The following RAI1 variants were observed in gnomAD, a reference collection of about 807,000 sequenced individuals.
RAI1 encodes retinoic acid induced 1, also known as retinoic acid-induced protein 1.
RAI1 carries 9 observed loss-of-function variants against 123.8 expected under a neutral mutation model. The observed-to-expected ratio is 0.07, with a 90% CI of 0.04 to 0.13. The LOEUF (loss-of-function observed/expected upper bound fraction) is 0.13. Among genes scored for constraint, RAI1 ranks in the 10% least tolerant of loss-of-function variants. The pLI is 1.00. For missense variants in RAI1, 2,256 were observed against 2,545.8 expected (o/e 0.89, Z 2.45); for synonymous variants, 1,231 against 1,127.3 (o/e 1.09, Z -1.84).
chr17:17,712,781 A>G (rs541311435), intron 1 of RAI1, among the ~76,000 whole-genome samples: 1 of 152,340 alleles, frequency 6.6e-6, no homozygotes, highest in East Asian at 1.9e-4. Flanking sequence ...AGTAAACACG[A>G]TACTGATTCT....
chr17:17,716,925 C>T (rs895244285), intron 1 of RAI1, among the ~76,000 whole-genome samples: 6 of 152,178 alleles, frequency 3.9e-5, no homozygotes, highest in African/African-American at 1.2e-4. Flanking sequence ...AATGTGCCCA[C>T]GGGATGCCCA....
chr17:17,724,382 CAGA>C (rs1916002420), intron 2 of RAI1, among the ~76,000 whole-genome samples: 1 of 147,060 alleles, frequency 6.8e-6, no homozygotes, highest in South Asian at 2.1e-4. Context: ...GAATCGGTCT[CAGA>C]AGAAGGAATT....
intron 2 of RAI1, among the ~76,000 whole-genome samples, chr17:17,763,110 A>C (rs2030776343): frequency 6.6e-6 from 1 of 151,798 alleles, no homozygotes; most frequent in Non-Finnish European, 1.5e-5. Context: ...AAAACAGGTT[A>C]ATTGGCAACA....
chr17:17,783,595 T>G (rs1016061996), intron 2 of RAI1, among the ~76,000 whole-genome samples: 6 of 152,150 alleles, frequency 3.9e-5, no homozygotes, highest in African/African-American at 1.4e-4. Context: ...CGTCCCCCTC[T>G]GCCCCAGCCG....
In RAI1 at chr17:17,797,794, T is replaced by G. The variant is rs1279163938; in HGVS notation, c.4846T>G (p.Ser1616Ala). Reference protein sequence around the residue: ...AFTTICTVVNSPGDAPKPHRK... With the variant: ...AFTTICTVVNAPGDAPKPHRK... ...CACCACCATATGCACTGTTGTCAAC[T>G]CCCCTGGAGATGCGCCCAAGCCCCA... Residue 1616 changes from serine (S) to alanine (A), a missense_variant, in exon 3 of 6, where the codon TCC becomes GCC. By Grantham distance (99) the Ser-to-Ala change is moderately conservative. Around this residue, in one of 7 missense-constraint regions of RAI1, gnomAD observed 410 missense variants for 374.6 expected, o/e 1.09. Transcript: ENST00000353383. 6.2e-7 allele frequency: 1 copy of G among 1,614,018 alleles called. No homozygotes were observed. The highest frequency in any genetic ancestry group is 2.2e-5 in the East Asian group (1 of 44,856).
intron 1 of RAI1, among the ~76,000 whole-genome samples, chr17:17,692,036 A>AT (rs1197294479): frequency 5.9e-5 from 9 of 152,228 alleles, no homozygotes; most frequent in Admixed American, 3.9e-4. Context: ...AATAGCACTA[A>AT]AACAGACGTT....
At chr17:17,803,192 A>G (rs534508661) in intron 3 of RAI1, among the ~76,000 whole-genome samples, 1 of 151,784 alleles carries the variant, frequency 6.6e-6, no homozygotes, top group African/African-American at 2.4e-5. Flanking sequence ...CAGCCATGGT[A>G]GTAACTGGCA....
At chr17:17,803,916 G>C in intron 4 of RAI1, 67 bp downstream of exon 4, 1 of 1,466,656 alleles carries the variant, frequency 6.8e-7, no homozygotes, top group Non-Finnish European at 9.5e-7. Flanking sequence ...GACCCTCCCT[G>C]GGCACAGCTC....
chr17:17,702,189 C>T (rs1915245201), intron 1 of RAI1, among the ~76,000 whole-genome samples: 1 of 152,204 alleles, frequency 6.6e-6, no homozygotes, highest in Non-Finnish European at 1.5e-5. Context: ...TAAGGGACAA[C>T]CACAGAAAAA....
chr17:17,769,436 C>T (rs2142994704), intron 2 of RAI1, among the ~76,000 whole-genome samples: 1 of 152,284 alleles, frequency 6.6e-6, no homozygotes, highest in South Asian at 2.1e-4. Context: ...GGCACGGGGG[C>T]TCAAGAGGTC....
At chr17:17,741,116 C>A (rs541294203) in intron 2 of RAI1, among the ~76,000 whole-genome samples, 1 of 151,974 alleles carries the variant, frequency 6.6e-6, no homozygotes, top group Non-Finnish European at 1.5e-5. Flanking sequence ...CACACACTCG[C>A]GCACGCACAC....
intron 2 of RAI1, among the ~76,000 whole-genome samples, chr17:17,784,511 T>C (rs1055135664): frequency 2.6e-4 from 40 of 152,212 alleles, no homozygotes; most frequent in African/African-American, 9.2e-4. Context: ...GCTTCTTCCA[T>C]TAATCCCTCG....
intron 1 of RAI1, among the ~76,000 whole-genome samples, chr17:17,708,411 T>C (rs59236718): frequency 0.17 from 22,619 of 131,304 alleles, 2,009 homozygotes; most frequent in East Asian, 0.32. Context: ...TATATATATA[T>C]ACACACACAC....
rs775569350 is a variant in RAI1 at position 17,797,481 on chromosome 17, G to A, written c.4533G>A (p.Pro1511=). The A allele has an allele frequency of 1.4e-5, 23 of 1,613,142 alleles. No homozygotes were observed. The highest frequency in any genetic ancestry group is 5.5e-5 in the South Asian group (5 of 91,070). Residue 1511 remains proline (P), a synonymous_variant, in exon 3 of 6, where the codon CCG becomes CCA. Transcript: ENST00000353383. ...MEELGLASQP[P]EGRPCQPQTR... is the part of the protein sequence containing the mutation. ...AGCTGGGCCTGGCCTCCCAGCCCCCGGAGGGCAGGCCCTGCCAGCCCCAGA... is the reference window on the plus strand; with the variant it reads ...AGCTGGGCCTGGCCTCCCAGCCCCCAGAGGGCAGGCCCTGCCAGCCCCAGA...
At chr17:17,729,831 A>G (rs1159214358) in intron 2 of RAI1, among the ~76,000 whole-genome samples, 1 of 152,196 alleles carries the variant, frequency 6.6e-6, no homozygotes, top group Non-Finnish European at 1.5e-5. Context: ...GGTGACTGTC[A>G]TCTCAGCATG....
chr17:17,690,635 C>G (rs1007042772), intron 1 of RAI1, among the ~76,000 whole-genome samples: 1 of 152,118 alleles, frequency 6.6e-6, no homozygotes. Context: ...GTCCTGGGCA[C>G]AGAATAGTGT....
chr17:17,699,950 C>A (rs1915162925), intron 1 of RAI1, among the ~76,000 whole-genome samples: 1 of 152,194 alleles, frequency 6.6e-6, no homozygotes, highest in Non-Finnish European at 1.5e-5. Context: ...CTTGGGTGTC[C>A]CCCTCCAAGC....
At chr17:17,762,500 G>A (rs1308274164) in intron 2 of RAI1, among the ~76,000 whole-genome samples, 2 of 152,174 alleles carry the variant, frequency 1.3e-5, no homozygotes, top group African/African-American at 4.8e-5. Context: ...CAGCAGCAAG[G>A]GAGCTTCCCC....
At chr17:17,779,063 T>TAA (rs1180475336) in intron 2 of RAI1, 1 of 367,770 alleles carries the variant, frequency 2.7e-6, no homozygotes, top group East Asian at 7.3e-5. Context: ...TTTTTACTCT[T>TAA]AAACACCTTC....
Sources: allele counts gnomAD v4.1 joint callset (sites outside exome capture counted in the v4.1 genomes callset), GRCh38; gene constraint gnomAD v4.1.1; regional missense constraint gnomAD v4.1.1; transcripts MANE v1.5; gene names NCBI Gene and HGNC (gene_info 2026-07-23, HGNC 2026-07-21).